Variants in CPNE5 observed in about 807,000 individuals in gnomAD.
CPNE5 encodes the protein copine 5.
In CPNE5, 42 loss-of-function variants were observed where a neutral mutation model predicts 81.1. The ratio of observed to expected loss-of-function variants is 0.52; its 90% CI spans 0.40 to 0.67. CPNE5 has a LOEUF of 0.67. Ranked by LOEUF, CPNE5 falls within the 30% of genes least tolerant of loss-of-function variation. The probability of loss-of-function intolerance (pLI) is 0.00; values close to 1 mark genes in which losing one functional copy is unlikely to be tolerated. For synonymous variants in CPNE5, 313 were observed against 321.5 expected (o/e 0.97, Z 0.28); for missense variants, 612 against 815.5 (o/e 0.75, Z 3.04).
intron 1 of CPNE5, chr6:36,827,355 C>A: frequency 3.0e-6 from 3 of 985,386 alleles, no homozygotes; most frequent in Non-Finnish European, 3.6e-6. Context: ...GGCTTCACCC[C>A]GTGAACAATG....
intron 18 of CPNE5, 30 bp downstream of exon 18, chr6:36,745,018 C>T (rs773743359): frequency 2.4e-5 from 37 of 1,514,534 alleles, no homozygotes; most frequent in Middle Eastern, 1.7e-4. Flanking sequence ...CTCCTCAAAC[C>T]GCCTCCCCCA....
chr6:36,748,162 C>T (rs1224763500), intron 15 of CPNE5, 59 bp downstream of exon 15: 1 of 1,496,668 alleles, frequency 6.7e-7, no homozygotes, highest in Admixed American at 1.7e-5. Flanking sequence ...GGGCCAGATG[C>T]CACAGCCCTT....
rs1246356004 is a variant in CPNE5 at position 36,742,284 on chromosome 6, A to G, written c.1766T>C (p.Leu589Pro). ...SPARTPPASP[L>P]HTHI is the part of the protein sequence containing the mutation. Reference sequence around the variant, plus strand: ...AGACCAGGTTCAGATGTGCGTGTGCAGGGGGGACGCAGGGGGCGTGCGGGC... The same window carrying G: ...AGACCAGGTTCAGATGTGCGTGTGCGGGGGGGACGCAGGGGGCGTGCGGGC... Residue 589 changes from leucine (L) to proline (P), a missense_variant, in exon 21 of 21, where the codon CTG becomes CCG. Physicochemically the swap from Leu to Pro is moderately conservative, Grantham distance 98. Transcript: ENST00000244751. The G allele has an allele frequency of 6.3e-7, 1 of 1,593,194 alleles. No homozygotes were observed. Among genetic ancestry groups the G allele is most frequent in the African/African-American group, 1.3e-5 (1 of 74,762 alleles).
Position 36,830,888 on chromosome 6 carries a change from A to T in CPNE5, c.96-7790T>A, listed in dbSNP as rs138128090. ...AAGTTTTAAATGTTTCTACTTCAAA[A>T]TATATCCCAGATCTGTCCACTCCTC... is the stretch of plus-strand genomic sequence containing the variant. On this transcript the variant is annotated intron_variant, in intron 1 of 20. Coordinates refer to ENST00000244751, the MANE Select transcript of CPNE5 (RefSeq NM_020939.2). Among the ~76,000 whole-genome samples, 106 of 152,182 alleles carry T rather than the reference A, an allele frequency of 7.0e-4. 2 individuals are homozygous for T. The East Asian group carries it at 0.018, about 26-fold the overall frequency.
chr6:36,757,359 C>T (rs773203646), intron 12 of CPNE5: 2 of 985,326 alleles, frequency 2.0e-6, no homozygotes, highest in South Asian at 4.7e-5. Context: ...AGGCCGTCAG[C>T]TGATCTTTAC....
chr6:36,824,075 G>C (rs1021168669), intron 1 of CPNE5, among the ~76,000 whole-genome samples: 4 of 152,224 alleles, frequency 2.6e-5, no homozygotes, highest in Non-Finnish European at 5.9e-5. Context: ...GGTAGTATCA[G>C]TCTTGAAGGC....
intron 18 of CPNE5, 141 bp downstream of exon 18, chr6:36,744,907 G>A: frequency 1.5e-6 from 1 of 655,342 alleles, no homozygotes; most frequent in Non-Finnish European, 2.8e-6. Flanking sequence ...GGCCCAGTGA[G>A]GCAGGGAAAT....
chr6:36,779,659 C>T (rs1375367680), intron 8 of CPNE5, among the ~76,000 whole-genome samples: 1 of 152,202 alleles, frequency 6.6e-6, no homozygotes, highest in African/African-American at 2.4e-5. Flanking sequence ...CCAAGTTCAC[C>T]AAGCAGAGCC....
intron 14 of CPNE5, 132 bp downstream of exon 14, chr6:36,752,902 C>T (rs961834034): frequency 1.4e-6 from 1 of 690,082 alleles, no homozygotes; most frequent in East Asian, 2.6e-5. Context: ...CCAGGGTTTG[C>T]TCAGAGCCCA....
intron 10 of CPNE5, among the ~76,000 whole-genome samples, chr6:36,772,180 C>T (rs973555636): frequency 1.3e-5 from 2 of 152,304 alleles, no homozygotes; most frequent in East Asian, 3.9e-4. Flanking sequence ...CCAATTCCTT[C>T]TGCCCTGTGA....
intron 3 of CPNE5, among the ~76,000 whole-genome samples, chr6:36,802,217 CAAAAAAAAAAAAA>C (rs57677612): frequency 1.8e-5 from 1 of 56,736 alleles, no homozygotes. Context: ...GACTCCATCT[CAAAAAAAAAAAAA>C]AAAAAAAAAA....
intron 12 of CPNE5, among the ~76,000 whole-genome samples, chr6:36,762,241 AAAG>A (rs1282597891): frequency 6.6e-6 from 1 of 150,990 alleles, no homozygotes; most frequent in African/African-American, 2.4e-5. Context: ...AAAAAAAAAA[AAAG>A]AGGGAGAACA....
At chr6:36,782,318 C>T (rs1014642152) in intron 8 of CPNE5, among the ~76,000 whole-genome samples, 1 of 152,170 alleles carries the variant, frequency 6.6e-6, no homozygotes, top group African/African-American at 2.4e-5. Flanking sequence ...CTTGAAACAA[C>T]CAAACAGAGG....
At position 36,782,221 on chromosome 6, in the gene CPNE5, G is replaced by A. The variant is rs899688974; in HGVS notation, c.529-3264C>T. Among the ~76,000 whole-genome samples, 13 of 152,104 alleles carry A rather than the reference G, an allele frequency of 8.5e-5. No homozygotes were observed. The South Asian group carries it at 1.9e-3, about 22-fold the overall frequency. On this transcript the variant is annotated intron_variant, in intron 8 of 20. Transcript: ENST00000244751. ...ATGATCTCGCACGAATCTGGAAGTC[G>A]CCTGAGTGACATTCTTACCTGAAGA...
At chr6:36,803,345 G>A (rs1033464488) in intron 3 of CPNE5, among the ~76,000 whole-genome samples, 1 of 151,934 alleles carries the variant, frequency 6.6e-6, no homozygotes, top group East Asian at 1.9e-4. Context: ...CCTCCTGTGT[G>A]CGCCCATCAT....
intron 12 of CPNE5, among the ~76,000 whole-genome samples, chr6:36,759,102 C>A (rs942770199): frequency 6.6e-6 from 1 of 152,226 alleles, no homozygotes; most frequent in Non-Finnish European, 1.5e-5. Context: ...ATAGCCCTCC[C>A]AGCTGGGGAG....
At chr6:36,838,966 C>A (rs1023096173) in intron 1 of CPNE5, among the ~76,000 whole-genome samples, 2 of 152,108 alleles carry the variant, frequency 1.3e-5, no homozygotes, top group African/African-American at 4.8e-5. Flanking sequence ...GAGCAGAGAC[C>A]GTAGTACAGC....
chr6:36,839,317 G>C lies in CPNE5; in HGVS notation c.61C>G (p.Pro21Ala). Residue 21 changes from proline (P) to alanine (A), a missense_variant, in exon 1 of 21, where the codon CCG becomes GCG. Physicochemically the swap from Pro to Ala is conservative, Grantham distance 27. Coordinates refer to ENST00000244751, the MANE Select transcript of CPNE5 (RefSeq NM_020939.2). This position sits in a 1 kb window ranked among gnomAD's most constrained non-coding sequence, Gnocchi z 7.3. ...SEFDSLAGSI[P>A]ATKVEITVSC... is the part of the protein sequence containing the mutation. ...ACGGTGATCTCCACCTTGGTGGCCGGGATGCTGCCCGCCAAGGAGTCGAAC... is the reference window on the plus strand; with the variant it reads ...ACGGTGATCTCCACCTTGGTGGCCGCGATGCTGCCCGCCAAGGAGTCGAAC... The C allele has an allele frequency of 6.4e-7, 1 of 1,550,844 alleles. No homozygotes were observed. The highest frequency in any genetic ancestry group is 8.7e-7 in the Non-Finnish European group (1 of 1,146,756).
Position 36,765,364 on chromosome 6 carries a change from C to T in CPNE5, c.750G>A (p.Val250=), listed in dbSNP as rs764574270. The T allele has an allele frequency of 1.2e-6, 2 of 1,614,152 alleles. No individual in the cohort carries two copies. Among genetic ancestry groups the T allele is most frequent in the Non-Finnish European group, 1.7e-6 (2 of 1,179,974 alleles). Residue 250 remains valine (V), a synonymous_variant, in exon 11 of 21, where the codon GTG becomes GTA. Transcript: ENST00000244751. The part of the protein sequence containing the change: ...CNGDYDRTIK[V]EVYDWDRDGS... ...CGTCCCGATCCCAGTCGTACACCTCCACCTTGATGGTCCTGCAAAACAAAG... is the reference window on the plus strand; with the variant it reads ...CGTCCCGATCCCAGTCGTACACCTCTACCTTGATGGTCCTGCAAAACAAAG...
Sources: gnomAD v4.1 joint callset for allele counts (sites outside exome capture counted in the v4.1 genomes callset) on GRCh38, gnomAD v4.1.1 for gene constraint, Gnocchi (gnomAD v3.1) non-coding constraint, MANE v1.5 for transcripts, NCBI Gene and HGNC (gene_info 2026-07-23, HGNC 2026-07-21) for gene names.